Variants in COPE observed in about 807,000 individuals in gnomAD.
The protein encoded by COPE is coatomer subunit epsilon.
COPE carries 19 observed loss-of-function variants against 42.1 expected under a neutral mutation model. The ratio of observed to expected loss-of-function variants is 0.45; its 90% CI spans 0.31 to 0.66. The LOEUF (loss-of-function observed/expected upper bound fraction) is 0.66. Among genes scored for constraint, COPE ranks in the 30% least tolerant of loss-of-function variants. The pLI, the probability that COPE is intolerant of heterozygous loss-of-function variation, is 0.05. For synonymous variants in COPE, 195 were observed against 181.3 expected (o/e 1.08, Z -0.60); for missense variants, 402 against 416.1 (o/e 0.97, Z 0.30).
intron 7 of COPE, among the ~76,000 whole-genome samples, chr19:18,901,884 A>G (rs2056701786): frequency 6.6e-6 from 1 of 152,200 alleles, no homozygotes; most frequent in African/African-American, 2.4e-5. Flanking sequence ...TTCTGATTAT[A>G]AAAATAATAA....
intron 1 of COPE, among the ~76,000 whole-genome samples, chr19:18,915,886 G>A (rs1172333737): frequency 1.3e-5 from 2 of 152,214 alleles, no homozygotes; most frequent in Non-Finnish European, 2.9e-5. Flanking sequence ...ACCCAGAAAC[G>A]TCATGATGGT....
At chr19:18,918,046 G>A (rs1049321741) in intron 1 of COPE, among the ~76,000 whole-genome samples, 21 of 151,576 alleles carry the variant, frequency 1.4e-4, no homozygotes, top group South Asian at 4.2e-4. Flanking sequence ...AAAATTAGCC[G>A]GGCCATGGTG....
In COPE at chr19:18,902,775, AGG is replaced by A. The variant is rs1491246737; in HGVS notation, c.735+491_735+492del. 6.2e-4 allele frequency among the ~76,000 whole-genome samples: 10 copies of A among 16,250 alleles called. 3 individuals carry two copies. The South Asian group carries it at 7.4e-3, about 12-fold the overall frequency. The allele number at this position is 16,250 out of a possible 152,430, so 10.7% of individuals were successfully genotyped here. On this transcript the variant is annotated intron_variant, in intron 7 of 9. Coordinates refer to ENST00000262812, the MANE Select transcript of COPE (RefSeq NM_007263.4). ...AGGAAGGAAGGAAGGAAGGGAAAGA[AGG>A]AAGGAAGGAAGGAAGGAAGGAAGGA... is the stretch of plus-strand genomic sequence containing the variant.
At chr19:18,905,857 G>A (rs1379801946) in intron 4 of COPE, 2 of 553,300 alleles carry the variant, frequency 3.6e-6, no homozygotes, top group East Asian at 3.3e-5. Context: ...TCAGGCCCCG[G>A]CCCACTCACC....
chr19:18,905,012 T>C (rs2056745314), intron 5 of COPE, among the ~76,000 whole-genome samples, 160 bp from the exon 6 acceptor site: 1 of 152,216 alleles, frequency 6.6e-6, no homozygotes, highest in Non-Finnish European at 1.5e-5. Context: ...CGAGCCACCC[T>C]GCCCGTCTGA....
chr19:18,902,316 C>T lies in COPE; in HGVS notation c.735+952G>A, dbSNP rs185006239. Among the ~76,000 whole-genome samples, 282 of 151,458 alleles carry T rather than the reference C, an allele frequency of 1.9e-3. 2 individuals are homozygous for T. Among genetic ancestry groups the T allele is most frequent in the Admixed American group, 0.016 (239 of 15,188 alleles). ...CTGGGCAACACAGCAAGAACAACCCCGTCTTTACAAAATATATATATATTT... is the reference window on the plus strand; with the variant it reads ...CTGGGCAACACAGCAAGAACAACCCTGTCTTTACAAAATATATATATATTT... On this transcript the variant is annotated intron_variant, in intron 7 of 9. Transcript: ENST00000262812.
chr19:18,900,283 G>A, intron 8 of COPE, 98 bp downstream of exon 8: 1 of 1,007,790 alleles, frequency 9.9e-7, no homozygotes, highest in Non-Finnish European at 1.5e-6. Context: ...ACTGTATACA[G>A]AGTTTTCCCA....
At position 18,909,519 on chromosome 19, in the gene COPE, C is replaced by CT. The variant is rs59105113; in HGVS notation, c.290+1451dup. On this transcript the variant is annotated intron_variant, in intron 3 of 9. Transcript: ENST00000262812. ...GGGCTTAACTCTGTGGGCCTCTTTC[C>CT]TTTTTTTTTTTTTTTTTTTAAGACA... 7.8e-4 allele frequency among the ~76,000 whole-genome samples: 104 copies of CT among 133,800 alleles called. 1 individual carries two copies. The highest frequency in any genetic ancestry group is 2.8e-3 in the East Asian group (13 of 4,672). 87.8% of individuals were successfully genotyped at this position (133,800 alleles called of 152,430 possible).
chr19:18,910,736 C>T (rs769062647), intron 3 of COPE: 10 of 577,528 alleles, frequency 1.7e-5, no homozygotes, highest in Non-Finnish European at 3.1e-5. Context: ...AGGGCGTGTG[C>T]ACACACAGCA....
In COPE at chr19:18,903,320, G is replaced by A; in HGVS notation, c.683C>T (p.Ala228Val). The change falls in exon 7 of 10, where the codon GCC becomes GTC. Residue 228 changes from alanine to valine, a missense_variant. Coordinates refer to ENST00000262812, the MANE Select transcript of COPE (RefSeq NM_007263.4). The stretch of plus-strand genomic sequence containing the variant: ...CTCAGCGGCCTCCCAGCGGCCCTGG[G>A]CCATGTGGCAGGCCGCCTGCCCATT... ...LLNGQAACHM[A>V]QGRWEAAEGL... 6.2e-7 allele frequency: 1 copy of A among 1,612,324 alleles called. No individual in the cohort carries two copies. Among genetic ancestry groups the A allele is most frequent in the Non-Finnish European group, 8.5e-7 (1 of 1,179,414 alleles).
intron 7 of COPE, among the ~76,000 whole-genome samples, chr19:18,901,532 A>ACCCCTT (rs2056698650): frequency 6.6e-6 from 1 of 152,044 alleles, no homozygotes; most frequent in Non-Finnish European, 1.5e-5. Flanking sequence ...CCAGCCTGAT[A>ACCCCTT]CCCCTTGGCC....
rs1246938462 is a variant in COPE at position 18,903,391 on chromosome 19, G to T, written c.612C>A (p.Ile204=). The T allele has an allele frequency of 1.2e-6, 2 of 1,612,788 alleles. No individual in the cohort carries two copies. Among genetic ancestry groups the T allele is most frequent in the African/African-American group, 2.7e-5 (2 of 74,886 alleles). ...AGCACTTGTCAGCCATCTCCTGGAA[G>T]ATGTAGTAGGCATCCTGCAGCTTCT... ...GGEKLQDAYY[I]FQEMADKCSP... is the part of the protein sequence containing the mutation. The change falls in exon 7 of 10, where the codon ATC becomes ATA. Residue 204 remains isoleucine, a synonymous_variant. Coordinates refer to ENST00000262812, the MANE Select transcript of COPE (RefSeq NM_007263.4).
chr19:18,901,942 G>A (rs776624431), intron 7 of COPE, among the ~76,000 whole-genome samples: 39 of 152,098 alleles, frequency 2.6e-4, no homozygotes, highest in Non-Finnish European at 4.6e-4. Flanking sequence ...TACTTTGGGA[G>A]TCCAAGGTGG....
At chr19:18,902,777 G>GAAGGA (rs2056718018) in intron 7 of COPE, among the ~76,000 whole-genome samples, 1 of 9,114 alleles carries the variant, frequency 1.1e-4, no homozygotes, top group Non-Finnish European at 2.6e-4. Flanking sequence ...GGGAAAGAAG[G>GAAGGA]AAGGAAGGAA....
intron 4 of COPE, 194 bp from the exon 5 acceptor site, chr19:18,905,823 G>C (rs548174804): frequency 6.9e-6 from 4 of 578,860 alleles, no homozygotes; most frequent in Non-Finnish European, 1.2e-5. Context: ...CAGGAGCTCT[G>C]GGGGAGGTAC....
chr19:18,907,020 A>C lies in COPE; in HGVS notation c.383T>G (p.Leu128Arg), dbSNP rs1401682261. The change falls in exon 4 of 10, where the codon CTC becomes CGC. Residue 128 changes from leucine to arginine, a missense_variant. Transcript: ENST00000262812. ...TFLLMAASIY[L>R]HDQNPDAALR... ...GGCGGCATCCGGGTTCTGGTCGTGGAGATAGATGGAGGCGGCCATGAGCAG... is the reference window on the plus strand; with the variant it reads ...GGCGGCATCCGGGTTCTGGTCGTGGCGATAGATGGAGGCGGCCATGAGCAG... 6.3e-7 allele frequency: 1 copy of C among 1,597,462 alleles called. No homozygotes were observed. Among genetic ancestry groups the C allele is most frequent in the Non-Finnish European group, 8.5e-7 (1 of 1,172,504 alleles).
In COPE at chr19:18,919,315, C is replaced by CGCCGGAGGCCGG. The variant is rs751732594; in HGVS notation, c.22_33dup (p.Pro8_Gly11dup). The CGCCGGAGGCCGG allele has an allele frequency of 6.2e-7, 1 of 1,613,630 alleles. No individual in the cohort carries two copies. The highest frequency in any genetic ancestry group is 8.5e-7 in the Non-Finnish European group (1 of 1,179,960). On this transcript the variant is annotated inframe_insertion, in exon 1 of 10. Coordinates refer to ENST00000262812, the MANE Select transcript of COPE (RefSeq NM_007263.4). ...AACAGCTCGTCTACCTCCCCGGAGC[C>CGCCGGAGGCCGG]GCCGGAGGCCGGGCCGGGGGCCGGA... is the stretch of plus-strand genomic sequence containing the variant.
chr19:18,906,617 G>A (rs531156936), intron 4 of COPE: 11 of 212,938 alleles, frequency 5.2e-5, no homozygotes, highest in East Asian at 1.1e-4. Flanking sequence ...TGGGGGGCCC[G>A]GGGAGGCCTG....
At chr19:18,899,790 G>A in intron 9 of COPE, 64 bp from the exon 10 acceptor site, 1 of 1,611,146 alleles carries the variant, frequency 6.2e-7, no homozygotes, top group South Asian at 1.1e-5. Context: ...TGGAGGGAGA[G>A]AGAGAGGGCG....
Sources: gnomAD v4.1 joint callset for allele counts (sites outside exome capture counted in the v4.1 genomes callset) on GRCh38, gnomAD v4.1.1 for gene constraint, MANE v1.5 for transcripts, NCBI Gene and HGNC (gene_info 2026-07-23, HGNC 2026-07-21) for gene names.